TEP1: variants seen among roughly 807,000 people sequenced by gnomAD.
The protein encoded by TEP1 is telomerase associated protein 1.
Under a neutral mutation model 306.3 loss-of-function variants are expected in TEP1, and 241 were observed. That is an observed-to-expected ratio of 0.79 (90% CI 0.71 to 0.88). TEP1 has a LOEUF of 0.88. Among genes scored for constraint, TEP1 ranks in the 40% least tolerant of loss-of-function variants. TEP1 has a pLI of 0.00. For missense variants in TEP1, 3,051 were observed against 3,276.1 expected, an observed-to-expected ratio of 0.93 and a Z score of 1.68; for synonymous variants, 1,289 against 1,305.5, an observed-to-expected ratio of 0.99 and a Z score of 0.27.
chr14:20,377,392 C>T lies in TEP1; in HGVS notation c.5976G>A (p.Leu1992=). 1 of 1,614,120 alleles carries T rather than the reference C, an allele frequency of 6.2e-7. No individual in the cohort carries two copies. The highest frequency in any genetic ancestry group is 1.3e-5 in the African/African-American group (1 of 75,012). ...VLVSGAEDGS[L]QGWALKECSL... is the part of the protein sequence containing the mutation. ...AGCATTCCTTGAGTGCCCAGCCCTGCAAGGACCCATCTTCTGCACCACTCA... is the reference window on the plus strand; with the variant it reads ...AGCATTCCTTGAGTGCCCAGCCCTGTAAGGACCCATCTTCTGCACCACTCA... Residue 1992 remains leucine (L), a synonymous_variant, in exon 41 of 55, where the codon TTG becomes TTA. Transcript: ENST00000262715.
Position 20,376,153 on chromosome 14 carries a change from C to T in TEP1, c.6200G>A (p.Cys2067Tyr), listed in dbSNP as rs141252741. The T allele has an allele frequency of 1.1e-4, 176 of 1,614,104 alleles. No individual in the cohort carries two copies. Among genetic ancestry groups the T allele is most frequent in the Middle Eastern group, 6.6e-4 (4 of 6,082 alleles). ...LRGHEGPVSC[C>Y]SFSTDGGSLA... ...GCTGCCTCCATCAGTGCTGAAACTA[C>T]AGCAGCTCACAGGGCCCTCATGTCC... Residue 2067 changes from cysteine (C) to tyrosine (Y), a missense_variant, in exon 42 of 55, where the codon TGT becomes TAT. Around this residue, in one of 3 missense-constraint regions of TEP1, gnomAD observed 1,540 missense variants for 1,705.9 expected, o/e 0.90. Transcript: ENST00000262715.
chr14:20,384,852 G>A (rs1876984498), intron 21 of TEP1, 133 bp downstream of exon 21: 1 of 1,493,344 alleles, frequency 6.7e-7, no homozygotes, highest in Non-Finnish European at 9.1e-7. Flanking sequence ...GCTGACGTGG[G>A]GCTGCAAAGG....
At position 20,381,722 on chromosome 14, in the gene TEP1, A is replaced by G; in HGVS notation, c.4425-36T>C. ...GTGAGGAAGGGAGAGAGAAGAAGGA[A>G]GAGGCCTGTCAGTGAGCTTCCTGGC... On this transcript the variant is annotated intron_variant, in intron 30 of 54. Transcript: ENST00000262715. This position sits in a 1 kb window ranked among gnomAD's most constrained non-coding sequence, Gnocchi z 4.0. The G allele has an allele frequency of 6.4e-7, 1 of 1,560,734 alleles. No individual in the cohort carries two copies. The highest frequency in any genetic ancestry group is 8.7e-7 in the Non-Finnish European group (1 of 1,155,878).
chr14:20,384,074 C>G lies in TEP1; in HGVS notation c.3498G>C (p.Val1166=). Residue 1166 remains valine (V), a synonymous_variant, in exon 24 of 55, where the codon GTG becomes GTC. Coordinates refer to ENST00000262715, the MANE Select transcript of TEP1 (RefSeq NM_007110.5). The part of the protein sequence containing the change: ...LMLPHGRLSL[V]TGQSGQGKTA... ...TCTTGCCCTGTCCTGACTGCCCCGTCACCAGGCTCAGCCTTCCGTGGGGCA... is the reference window on the plus strand; with the variant it reads ...TCTTGCCCTGTCCTGACTGCCCCGTGACCAGGCTCAGCCTTCCGTGGGGCA... The G allele has an allele frequency of 6.2e-6, 10 of 1,613,208 alleles. No homozygotes were observed. Among genetic ancestry groups the G allele is most frequent in the Non-Finnish European group, 8.5e-6 (10 of 1,179,644 alleles).
intron 9 of TEP1, among the ~76,000 whole-genome samples, chr14:20,400,061 C>T (rs1422550967): frequency 7.0e-6 from 1 of 142,660 alleles, no homozygotes; most frequent in African/African-American, 2.6e-5. Flanking sequence ...GAGACTGAGG[C>T]AGGAGGCAGA....
rs375848101 is a variant in TEP1, at chr14:20,378,131, G to A, written c.5614C>T (p.Arg1872Ter). The A allele has an allele frequency of 5.4e-5, 87 of 1,613,682 alleles. No homozygotes were observed. Among genetic ancestry groups the A allele is most frequent in the Non-Finnish European group, 6.9e-5 (82 of 1,180,024 alleles). The change falls in exon 39 of 55, where the codon CGA (arginine) becomes TGA (stop). Residue 1872 changes from arginine to a stop codon, truncating the protein, a stop_gained. Transcript: ENST00000262715. LOFTEE classifies it high-confidence loss of function. The part of the protein sequence containing the change: ...LDSMVELWAW[R>*]EGARLAAFPA... The stretch of plus-strand genomic sequence containing the variant: ...AAGGCAGCCAGCCGTGCCCCTTCTC[G>A]CCAGGCCCACAGCTCCACCATACTG...
At chr14:20,388,619 A>T (rs960243029) in intron 17 of TEP1, among the ~76,000 whole-genome samples, 11 of 152,244 alleles carry the variant, frequency 7.2e-5, no homozygotes, top group African/African-American at 2.7e-4. Flanking sequence ...GACATGGCCA[A>T]CTCTTGACAG....
Position 20,389,649 on chromosome 14 carries a change from C to A in TEP1, c.2426G>T (p.Cys809Phe), listed in dbSNP as rs1877528319. The change falls in exon 16 of 55, where the codon TGC (cysteine) becomes TTC (phenylalanine). Residue 809 changes from cysteine (C) to phenylalanine (F), a missense_variant. By Grantham distance (205) the Cys-to-Phe change is radical (BLOSUM62 -2). Around this residue, in one of 3 missense-constraint regions of TEP1, gnomAD observed 1,507 missense variants for 1,550.5 expected, o/e 0.97. Coordinates refer to ENST00000262715, the MANE Select transcript of TEP1 (RefSeq NM_007110.5). ...QLYWQRVNSK[C>F]LFVGILLRRV... ...TCTTAGGAGGATACCAACAAAGAGG[C>A]ACTTGGAATTCACACGCTGCCAGTA... 1.2e-6 allele frequency: 2 copies of A among 1,614,242 alleles called. No individual in the cohort carries two copies. The highest frequency in any genetic ancestry group is 2.7e-5 in the African/African-American group (2 of 75,064).
rs541669097 is a variant in TEP1, at chr14:20,382,256, T to C, written c.4241A>G (p.Gln1414Arg). The stretch of plus-strand genomic sequence containing the variant: ...TGTGACTTCTAGGGCAGTCAAGGCC[T>C]GGGGAAGGACATCAGGCCCGTGCTC... ...EKEHGPDVLP[Q>R]ALTALEVTRS... The change falls in exon 29 of 55, where the codon CAG (glutamine) becomes CGG (arginine). Residue 1414 changes from glutamine (Q) to arginine (R), a missense_variant. Physicochemically the swap from Gln to Arg is conservative, Grantham distance 43 (BLOSUM62 1). Around this residue, in one of 3 missense-constraint regions of TEP1, gnomAD observed 1,540 missense variants for 1,705.9 expected, o/e 0.90. Transcript: ENST00000262715. 39 of 1,614,062 alleles carry C rather than the reference T, an allele frequency of 2.4e-5. No individual in the cohort carries two copies. The South Asian group carries it at 3.6e-4, about 15-fold the overall frequency.
Position 20,390,758 on chromosome 14 carries a change from C to A in TEP1, c.2257G>T (p.Glu753Ter). The A allele has an allele frequency of 6.2e-7, 1 of 1,614,190 alleles. No individual in the cohort carries two copies. Among genetic ancestry groups the A allele is most frequent in the South Asian group, 1.1e-5 (1 of 91,080 alleles). ...GACCATCCATCATTTTCATCAAACT[C>A]CTGAAGGAAAGAGACTTCATGTTAT... ...TAIKLQAQVQ[E>*]FDENDGWSLN... The change falls in exon 15 of 55, where the codon GAG becomes TAG. Residue 753 changes from glutamate to a stop codon, truncating the protein, a stop_gained and splice_region_variant. Coordinates refer to ENST00000262715, the MANE Select transcript of TEP1 (RefSeq NM_007110.5). LOFTEE classifies it high-confidence loss of function.
rs372982338 is a variant in TEP1 at position 20,380,336 on chromosome 14, G to A, written c.4902C>T (p.Asp1634=). 2.3e-5 allele frequency: 37 copies of A among 1,614,210 alleles called. No individual in the cohort carries two copies. In the South Asian group the frequency reaches 3.7e-4, roughly 16 times the overall value. ...GCGAGGCTTGGTGGCAAAGAGGTGA[G>A]TCCAGGGGCTGGTTGGCTGCCTGCT... ...LPQQAANQPL[D]SPLCHQASLL... Residue 1634 remains aspartate, a synonymous_variant, in exon 34 of 55, where the codon GAC becomes GAT. Coordinates refer to ENST00000262715, the MANE Select transcript of TEP1 (RefSeq NM_007110.5).
Position 20,386,512 on chromosome 14 carries a change from G to A in TEP1, c.2796C>T (p.His932=), listed in dbSNP as rs145204534. 1.2e-6 allele frequency: 2 copies of A among 1,613,018 alleles called. No homozygotes were observed. Among genetic ancestry groups the A allele is most frequent in the African/African-American group, 2.7e-5 (2 of 75,028 alleles). The part of the protein sequence containing the change: ...LPALQARAAP[H]RISLHGIDLR... Reference sequence around the variant, plus strand: ...GGTCGATTCCGTGAAGGCTGATACGGTGAGGGGCCGCTCGGGCCTGCAGTG... The same window carrying A: ...GGTCGATTCCGTGAAGGCTGATACGATGAGGGGCCGCTCGGGCCTGCAGTG... Residue 932 remains histidine (H), a synonymous_variant, in exon 19 of 55, where the codon CAC becomes CAT. Transcript: ENST00000262715.
intron 28 of TEP1, 117 bp downstream of exon 28, chr14:20,382,506 G>A (rs985644594): frequency 5.6e-5 from 85 of 1,522,990 alleles, no homozygotes; most frequent in Non-Finnish European, 7.1e-5. Context: ...GGTATGAGGC[G>A]AGGATAGGGA....
intron 9 of TEP1, among the ~76,000 whole-genome samples, chr14:20,399,398 G>T (rs527535560): frequency 1.1e-4 from 16 of 152,094 alleles, no homozygotes; most frequent in African/African-American, 3.6e-4. Context: ...CCTTAAGATT[G>T]CAAAATTCAC....
At position 20,407,900 on chromosome 14, in the gene TEP1, G is replaced by A; in HGVS notation, c.540C>T (p.Ala180=). 6.2e-7 allele frequency: 1 copy of A among 1,604,440 alleles called. No homozygotes were observed. The highest frequency in any genetic ancestry group is 8.5e-7 in the Non-Finnish European group (1 of 1,174,478). Residue 180 remains alanine (A), a synonymous_variant, in exon 2 of 55, where the codon GCC becomes GCT. Coordinates refer to ENST00000262715, the MANE Select transcript of TEP1 (RefSeq NM_007110.5). ...AAGTTGCTTCCTGAGCTGTCTCTGT[G>A]GCAGAGATGGATTTCAGGGCTATAG... ...TCPIALKSIS[A]TETAQEATLG...
rs1258068795 is a variant in TEP1, at chr14:20,369,788, G to A, written c.7318-9C>T. On this transcript the variant is annotated splice_polypyrimidine_tract_variant and intron_variant, in intron 51 of 54. Transcript: ENST00000262715. ...CCTGATTCCTTTTGCCTCTGTGAAA[G>A]AATAGGTAATTTTGTTTAGCCTACC... 1 of 1,610,966 alleles carries A rather than the reference G, an allele frequency of 6.2e-7. No homozygotes were observed.
rs1566450168 is a variant in TEP1 at position 20,380,071 on chromosome 14, A to G, written c.5004-18T>C. 1.2e-6 allele frequency: 2 copies of G among 1,606,822 alleles called. No individual in the cohort carries two copies. The highest frequency in any genetic ancestry group is 1.7e-6 in the Non-Finnish European group (2 of 1,177,402). ...GGCTGGAGCTAGAGAAAGAGTAGGA[A>G]GAAAGGGAGGAAATAAACGAGAGAA... On this transcript the variant is annotated intron_variant, in intron 34 of 54. Coordinates refer to ENST00000262715, the MANE Select transcript of TEP1 (RefSeq NM_007110.5).
At chr14:20,400,863 TACA>T (rs780724004) in intron 9 of TEP1, 118 bp downstream of exon 9, 1 of 1,334,194 alleles carries the variant, frequency 7.5e-7, no homozygotes, top group Admixed American at 2.5e-5. Context: ...ATAAATCAAA[TACA>T]ACAACCAGGC....
rs993984452 is a variant in TEP1, at chr14:20,395,565, G to A, written c.1813C>T (p.Arg605Cys). 5.0e-6 allele frequency: 8 copies of A among 1,613,518 alleles called. No homozygotes were observed. Among genetic ancestry groups the A allele is most frequent in the East Asian group, 4.5e-5 (2 of 44,840 alleles). ...TGGCAAAGAAACCTCCGCCTGGGACGGTTCTTTTCATTTCTAGTTAGTATC... is the reference window on the plus strand; with the variant it reads ...TGGCAAAGAAACCTCCGCCTGGGACAGTTCTTTTCATTTCTAGTTAGTATC... Reference protein sequence around the residue: ...RRILTRNEKNRPRRRFLCHLS... With the variant: ...RRILTRNEKNCPRRRFLCHLS... Residue 605 changes from arginine to cysteine, a missense_variant, in exon 12 of 55, where the codon CGT (arginine) becomes TGT (cysteine). Transcript: ENST00000262715.
Sources: allele counts gnomAD v4.1 joint callset (sites outside exome capture counted in the v4.1 genomes callset), GRCh38; gene constraint gnomAD v4.1.1; regional missense constraint gnomAD v4.1.1; non-coding constraint Gnocchi (gnomAD v3.1); transcripts MANE v1.5; gene names NCBI Gene and HGNC (gene_info 2026-07-23, HGNC 2026-07-21).